MED13L: variants seen among roughly 807,000 people sequenced by gnomAD.
The protein encoded by MED13L is mediator of RNA polymerase II transcription subunit 13-like.
A neutral mutation model predicts 220.9 loss-of-function variants in MED13L; 7 were observed. The ratio of observed to expected loss-of-function variants is 0.03; its 90% CI spans 0.02 to 0.06. MED13L has a LOEUF of 0.06. MED13L is among the 10% of genes least tolerant of loss of function. MED13L has a pLI of 1.00. For missense variants in MED13L, 1,965 were observed against 2,760.5 expected, an observed-to-expected ratio of 0.71 and a Z score of 6.46; for synonymous variants, 1,011 against 1,015.2, an observed-to-expected ratio of 1.00 and a Z score of 0.08.
At chr12:116,232,262 G>GA in intron 2 of MED13L, 2 of 265,104 alleles carry the variant, frequency 7.5e-6, no homozygotes, top group Non-Finnish European at 1.2e-5. Context: ...GAAGACTTCT[G>GA]ATACTGTTAT....
intron 25 of MED13L, chr12:115,972,515 C>T: frequency 2.4e-6 from 1 of 414,290 alleles, no homozygotes; most frequent in Non-Finnish European, 4.5e-6. Context: ...CTACCTAGAC[C>T]AGATTTAGGC....
At chr12:116,180,361 G>A (rs992406945) in intron 2 of MED13L, among the ~76,000 whole-genome samples, 1 of 152,146 alleles carries the variant, frequency 6.6e-6, no homozygotes, top group Non-Finnish European at 1.5e-5. Flanking sequence ...ATGACAGGCT[G>A]CAGTAGTCAA....
chr12:116,186,479 C>G (rs1010526958), intron 2 of MED13L, among the ~76,000 whole-genome samples: 1 of 151,732 alleles, frequency 6.6e-6, no homozygotes, highest in African/African-American at 2.4e-5. Flanking sequence ...CTTTTTTTTT[C>G]CAGGAATAAT....
chr12:116,046,898 GGGAGGCA>G (rs753182041), intron 4 of MED13L, among the ~76,000 whole-genome samples: 1 of 152,100 alleles, frequency 6.6e-6, no homozygotes, highest in Non-Finnish European at 1.5e-5. Flanking sequence ...GCATGAACCT[GGGAGGCA>G]GAGCTTGCAG....
intron 14 of MED13L, 123 bp from the exon 15 acceptor site, chr12:115,997,353 A>C: frequency 1.4e-6 from 1 of 732,824 alleles, no homozygotes. Context: ...ATCAGTTCAC[A>C]AAAGAATATT....
chr12:115,982,705 A>C, intron 21 of MED13L, 102 bp from the exon 22 acceptor site: 1 of 1,025,434 alleles, frequency 9.8e-7, no homozygotes, highest in Non-Finnish European at 1.5e-6. Flanking sequence ...TCCCTAAAGA[A>C]TGTTTACAGA....
At position 116,004,082 on chromosome 12, in the gene MED13L, A is replaced by G. The variant is rs143507801; in HGVS notation, c.2470-980T>C. 1.2e-3 allele frequency among the ~76,000 whole-genome samples: 189 copies of G among 152,350 alleles called. 2 individuals are homozygous for G. Among genetic ancestry groups the G allele is most frequent in the East Asian group, 3.9e-3 (20 of 5,186 alleles). On this transcript the variant is annotated intron_variant, in intron 13 of 30. Transcript: ENST00000281928. ...TAGTAATTCATAATTTATACAAAGAATAAGTTCAGTGGCCCAGAGCAGAAA... is the reference window on the plus strand; with the variant it reads ...TAGTAATTCATAATTTATACAAAGAGTAAGTTCAGTGGCCCAGAGCAGAAA...
intron 1 of MED13L, among the ~76,000 whole-genome samples, chr12:116,245,464 ATAAT>A (rs1371601124): frequency 9.9e-5 from 15 of 152,216 alleles, no homozygotes; most frequent in African/African-American, 3.6e-4. Context: ...GAATTGCTAA[ATAAT>A]TAAGGAAAAC....
intron 1 of MED13L, among the ~76,000 whole-genome samples, chr12:116,268,674 T>C (rs1176253273): frequency 2.0e-5 from 3 of 152,178 alleles, no homozygotes; most frequent in Non-Finnish European, 4.4e-5. Flanking sequence ...CAAATGTTTT[T>C]TAAGGGAGAA....
At chr12:116,139,326 G>A (rs1321827115) in intron 2 of MED13L, among the ~76,000 whole-genome samples, 1 of 152,098 alleles carries the variant, frequency 6.6e-6, no homozygotes, top group African/African-American at 2.4e-5. Flanking sequence ...AAACTTATAG[G>A]TTCGCTAAAT....
chr12:116,008,098 A>AT (rs1879164127), intron 10 of MED13L: 1 of 396,112 alleles, frequency 2.5e-6, no homozygotes, highest in East Asian at 4.3e-5. Context: ...TGACAGCAGT[A>AT]TGGAAAGTCT....
In MED13L at chr12:116,249,023, A is replaced by T. The variant is rs534453395; in HGVS notation, c.73-11318T>A. ...AGACAGATCACCAGAAAGAATATTC[A>T]GGAAAAAAGCTCCAAAGATCTGATA... On this transcript the variant is annotated intron_variant, in intron 1 of 30. Transcript: ENST00000281928. Among the ~76,000 whole-genome samples, 4 of 152,378 alleles carry T rather than the reference A, an allele frequency of 2.6e-5. No homozygotes were observed. The South Asian group carries it at 8.3e-4, about 32-fold the overall frequency.
At chr12:116,179,245 T>A (rs1385502471) in intron 2 of MED13L, among the ~76,000 whole-genome samples, 1 of 151,356 alleles carries the variant, frequency 6.6e-6, no homozygotes, top group African/African-American at 2.4e-5. Flanking sequence ...GTACACAATT[T>A]TTTTAAAGGG....
chr12:116,182,810 G>A (rs756406945), intron 2 of MED13L, among the ~76,000 whole-genome samples: 4 of 152,086 alleles, frequency 2.6e-5, no homozygotes, highest in African/African-American at 7.2e-5. Flanking sequence ...ACAATTCAAG[G>A]ACGCCCTCCC....
intron 2 of MED13L, among the ~76,000 whole-genome samples, chr12:116,230,117 A>T (rs962542058): frequency 1.3e-5 from 2 of 152,204 alleles, no homozygotes; most frequent in Admixed American, 6.5e-5. Context: ...TATGAAAGGT[A>T]AAGTAGCTGG....
chr12:115,987,194 C>T lies in MED13L; in HGVS notation c.4029G>A (p.Thr1343=), dbSNP rs778733564. 4.3e-6 allele frequency: 7 copies of T among 1,614,080 alleles called. No homozygotes were observed. The highest frequency in any genetic ancestry group is 1.1e-5 in the South Asian group (1 of 91,082). ...GCTGGATGTTCTCCCAGGTCCTGCC[C>T]GTGCGCTTCTTTTGGATGGCATCTT... ...FLQDAIQKKR[T]GRTWENIQHV... The change falls in exon 18 of 31, where the codon ACG becomes ACA. Residue 1343 remains threonine, a synonymous_variant. Coordinates refer to ENST00000281928, the MANE Select transcript of MED13L (RefSeq NM_015335.5).
At chr12:116,019,740 G>A in intron 6 of MED13L, 38 bp downstream of exon 6, 1 of 1,568,728 alleles carries the variant, frequency 6.4e-7, no homozygotes, top group Non-Finnish European at 8.8e-7. Context: ...GGAAGAGGAA[G>A]AAGAATAAAG....
chr12:116,150,581 G>A (rs560521520), intron 2 of MED13L, among the ~76,000 whole-genome samples: 14 of 152,160 alleles, frequency 9.2e-5, no homozygotes, highest in South Asian at 2.1e-4. Context: ...ACTCAACTTC[G>A]CTAAGTGTTC....
At chr12:116,127,242 T>C (rs898050453) in intron 2 of MED13L, among the ~76,000 whole-genome samples, 5 of 152,212 alleles carry the variant, frequency 3.3e-5, no homozygotes, top group African/African-American at 1.2e-4. Context: ...ATCTGTTATA[T>C]AATAATTCAT....
Sources: gnomAD v4.1 joint callset for allele counts (sites outside exome capture counted in the v4.1 genomes callset) on GRCh38, gnomAD v4.1.1 for gene constraint, MANE v1.5 for transcripts, NCBI Gene and HGNC (gene_info 2026-07-23, HGNC 2026-07-21) for gene names.